Variants in PPP6R2 observed in about 807,000 individuals in gnomAD.
The protein encoded by PPP6R2 is serine/threonine-protein phosphatase 6 regulatory subunit 2.
In PPP6R2, 62 loss-of-function variants were observed where a neutral mutation model predicts 100.2. The observed-to-expected ratio is 0.62, with a 90% confidence interval of 0.50 to 0.76. PPP6R2 has a LOEUF of 0.76. Among genes scored for constraint, PPP6R2 ranks in the 30% least tolerant of loss-of-function variants. PPP6R2 has a pLI of 0.00. For missense variants in PPP6R2, 1,142 were observed against 1,276.3 expected, an observed-to-expected ratio of 0.89 and a Z score of 1.60; for synonymous variants, 525 against 514.7, an observed-to-expected ratio of 1.02 and a Z score of -0.27.
chr22:50,378,316 G>A (rs942931429), intron 2 of PPP6R2, among the ~76,000 whole-genome samples: 7 of 152,282 alleles, frequency 4.6e-5, no homozygotes, highest in East Asian at 3.9e-4. Flanking sequence ...GGCTGGGTGC[G>A]GTGGGTCACC....
At chr22:50,337,391 G>A in the PPP6R2 span, among the ~76,000 whole-genome samples, 79 of 133,314 alleles carry the variant, frequency 5.9e-4, 1 homozygote, top group African/African-American at 2.2e-3. Flanking sequence ...GTGTGTGTGT[G>A]TAGTGTGTGT....
chr22:50,437,982 G>A (rs1247490249), intron 17 of PPP6R2, 82 bp downstream of exon 17: 2 of 1,550,784 alleles, frequency 1.3e-6, no homozygotes, highest in African/African-American at 1.4e-5. Context: ...TCTGTCATGG[G>A]CCTGTGCGGT....
At chr22:50,409,420 C>G (rs925090557) in intron 4 of PPP6R2, among the ~76,000 whole-genome samples, 1 of 151,820 alleles carries the variant, frequency 6.6e-6, no homozygotes, top group African/African-American at 2.4e-5. Context: ...GCCTTTTGAT[C>G]ATGATGATGA....
intron 3 of PPP6R2, among the ~76,000 whole-genome samples, chr22:50,398,128 T>C (rs1439687498): frequency 1.3e-5 from 2 of 151,236 alleles, no homozygotes; most frequent in Non-Finnish European, 1.5e-5. Flanking sequence ...CGCCCAGGAG[T>C]TGAAGACCAG....
chr22:50,354,042 T>C (rs921248033), intron 1 of PPP6R2, among the ~76,000 whole-genome samples: 1 of 152,118 alleles, frequency 6.6e-6, no homozygotes, highest in African/African-American at 2.4e-5. Flanking sequence ...CGGTGGCTCA[T>C]GCCTGTAATC....
At chr22:50,396,224 TG>T in intron 3 of PPP6R2, among the ~76,000 whole-genome samples, 1 of 121,326 alleles carries the variant, frequency 8.2e-6, no homozygotes, top group South Asian at 2.6e-4. Flanking sequence ...AAGCCGGGTG[TG>T]GTGGCTCACA....
rs775856214 is a variant in PPP6R2 at position 50,423,531 on chromosome 22, C to T, written c.1042C>T (p.Arg348Cys). ...PLGNARLHGA[R>C]LMAALLHTNT... is the part of the protein sequence containing the mutation. ...GGGGAATGCCCGTCTGCATGGCGCC[C>T]GCCTCATGGCAGCACTGCTGCACAC... The change falls in exon 10 of 24, where the codon CGC becomes TGC. Residue 348 changes from arginine (R) to cysteine (C), a missense_variant. Coordinates refer to ENST00000612753, the MANE Select transcript of PPP6R2 (RefSeq NM_001242898.2). The surrounding 1 kb of genome is among the most constrained non-coding windows in gnomAD (Gnocchi z 4.8). 1.5e-5 allele frequency: 25 copies of T among 1,614,098 alleles called. No homozygotes were observed. The highest frequency in any genetic ancestry group is 6.7e-5 in the African/African-American group (5 of 74,922).
At chr22:50,440,673 C>A in intron 21 of PPP6R2, 149 bp from the exon 22 acceptor site, 1 of 872,518 alleles carries the variant, frequency 1.1e-6, no homozygotes, top group Non-Finnish European at 1.8e-6. Flanking sequence ...AGCCTGTCTG[C>A]CTCATCATGC....
At chr22:50,392,490 A>G (rs2055832738) in intron 2 of PPP6R2, among the ~76,000 whole-genome samples, 1 of 152,258 alleles carries the variant, frequency 6.6e-6, no homozygotes, top group Non-Finnish European at 1.5e-5. Context: ...GCCCATGGGC[A>G]GTGCCCGCCC....
intron 9 of PPP6R2, among the ~76,000 whole-genome samples, chr22:50,422,871 C>T (rs1603349643): frequency 6.6e-6 from 1 of 152,214 alleles, no homozygotes; most frequent in Non-Finnish European, 1.5e-5. Context: ...TCCTCTCACT[C>T]GCCACCTTGG....
rs959311187 is a variant in PPP6R2, at chr22:50,438,049, C to T, written c.1840-125C>T. 14 of 1,498,296 alleles carry T rather than the reference C, an allele frequency of 9.3e-6. No individual in the cohort carries two copies. In the Admixed American group the frequency reaches 1.8e-4, roughly 19 times the overall value. The allele number at this position is 1,498,296 out of a possible 1,614,324, so 92.8% of individuals were successfully genotyped here. ...GAACAGTCGCTTTCCTTGCCCCTCC[C>T]CGTCCTCCCCTCCAGCCCGGGGCTC... is the stretch of plus-strand genomic sequence containing the variant. On this transcript the variant is annotated intron_variant, in intron 17 of 23. Coordinates refer to ENST00000612753, the MANE Select transcript of PPP6R2 (RefSeq NM_001242898.2).
At chr22:50,389,105 G>T (rs1311331923) in intron 2 of PPP6R2, 1 of 152,198 alleles carries the variant, frequency 6.6e-6, no homozygotes, top group Non-Finnish European at 1.5e-5. Flanking sequence ...CTTTCATTTA[G>T]CCTTGGGTAA....
intron 1 of PPP6R2, among the ~76,000 whole-genome samples, chr22:50,370,435 CT>C (rs1284457869): frequency 6.6e-6 from 1 of 151,376 alleles, no homozygotes; most frequent in Admixed American, 6.6e-5. Flanking sequence ...TTACAGGCGC[CT>C]GCCACCACGC....
intron 2 of PPP6R2, chr22:50,393,546 G>A (rs2056097962): frequency 1.0e-6 from 1 of 984,804 alleles, no homozygotes; most frequent in Admixed American, 6.2e-5. Context: ...GACAGTGTGG[G>A]GAAGGAGGGC....
At chr22:50,436,476 CTCG>C in intron 14 of PPP6R2, 24 bp downstream of exon 14, 1 of 1,564,376 alleles carries the variant, frequency 6.4e-7, no homozygotes, top group East Asian at 2.3e-5. Flanking sequence ...GGGCTGCCCC[CTCG>C]GTGCACGCAC....
At chr22:50,416,317 G>T (rs2060525149) in intron 6 of PPP6R2, among the ~76,000 whole-genome samples, 160 bp downstream of exon 6, 2 of 146,484 alleles carry the variant, frequency 1.4e-5, no homozygotes, top group South Asian at 4.5e-4. Context: ...CTGACTTCTA[G>T]GCTGGATTTT....
chr22:50,394,188 C>T, intron 3 of PPP6R2, 53 bp downstream of exon 3: 3 of 1,596,820 alleles, frequency 1.9e-6, no homozygotes, highest in Non-Finnish European at 2.6e-6. Flanking sequence ...TGCAGGCAGG[C>T]CGCAGGCAGT....
intron 2 of PPP6R2, among the ~76,000 whole-genome samples, chr22:50,388,086 G>T (rs2054611012): frequency 6.6e-6 from 1 of 152,106 alleles, no homozygotes; most frequent in African/African-American, 2.4e-5. Flanking sequence ...ACCTTGGGAG[G>T]CTGAGGCAGG....
At chr22:50,443,811 G>A (rs780421822) in intron 22 of PPP6R2, 55 bp from the exon 23 acceptor site, 21 of 1,517,994 alleles carry the variant, frequency 1.4e-5, no homozygotes, top group Middle Eastern at 2.3e-4. Flanking sequence ...GGCATGAGGC[G>A]GGGTGGCACT....
Sources: gnomAD v4.1 joint callset for allele counts (sites outside exome capture counted in the v4.1 genomes callset) on GRCh38, gnomAD v4.1.1 for gene constraint, Gnocchi (gnomAD v3.1) non-coding constraint, MANE v1.5 for transcripts, NCBI Gene and HGNC (gene_info 2026-07-23, HGNC 2026-07-21) for gene names.